Variants in CNTNAP2 observed in about 807,000 individuals in gnomAD.
The protein encoded by CNTNAP2 is contactin-associated protein-like 2.
CNTNAP2 carries 98 observed loss-of-function variants against 155.2 expected under a neutral mutation model. That is an observed-to-expected ratio of 0.63 (90% CI 0.54 to 0.75). The LOEUF is 0.75. CNTNAP2 is among the 30% of genes least tolerant of loss of function. CNTNAP2 has a pLI of 0.00. For missense variants in CNTNAP2, 1,727 were observed against 1,688.1 expected, an observed-to-expected ratio of 1.02 and a Z score of -0.40; for synonymous variants, 651 against 631.2, an observed-to-expected ratio of 1.03 and a Z score of -0.47.
At chr7:146,773,230 G>A (rs1012139708) in intron 1 of CNTNAP2, among the ~76,000 whole-genome samples, 1 of 152,172 alleles carries the variant, frequency 6.6e-6, no homozygotes, top group Non-Finnish European at 1.5e-5. Context: ...AAATCTTAAT[G>A]ACATTATAAA....
intron 1 of CNTNAP2, among the ~76,000 whole-genome samples, chr7:146,459,686 A>G (rs1796607859): frequency 6.6e-6 from 1 of 152,150 alleles, no homozygotes; most frequent in Admixed American, 6.6e-5. Flanking sequence ...AGGAGGGGCC[A>G]CTGGACAAGC....
intron 20 of CNTNAP2, among the ~76,000 whole-genome samples, chr7:148,233,428 C>T (rs781719655): frequency 6.6e-6 from 1 of 152,166 alleles, no homozygotes; most frequent in Non-Finnish European, 1.5e-5. Context: ...TATCAGGTCA[C>T]AAGGTCTTAC....
chr7:146,975,981 A>C (rs1435574602), intron 3 of CNTNAP2, among the ~76,000 whole-genome samples: 3 of 152,210 alleles, frequency 2.0e-5, no homozygotes, highest in African/African-American at 4.8e-5. Flanking sequence ...CTTAAAGTCT[A>C]ATGATGATGA....
chr7:146,119,943 G>A (rs1374415935), intron 1 of CNTNAP2, among the ~76,000 whole-genome samples: 1 of 151,538 alleles, frequency 6.6e-6, no homozygotes, highest in South Asian at 2.1e-4. Context: ...ATGTTATAAA[G>A]TACATAGATA....
chr7:147,349,647 T>C (rs912215399), intron 9 of CNTNAP2, among the ~76,000 whole-genome samples: 1 of 151,926 alleles, frequency 6.6e-6, no homozygotes, highest in African/African-American at 2.4e-5. Flanking sequence ...CGCATTTGAT[T>C]ATAAGAACTC....
chr7:146,551,460 A>G (rs954260381), intron 1 of CNTNAP2, among the ~76,000 whole-genome samples: 12 of 151,980 alleles, frequency 7.9e-5, no homozygotes, highest in African/African-American at 2.9e-4. Flanking sequence ...CCTACAAAGG[A>G]CATGAACTCA....
At chr7:147,420,327 CA>C (rs1165206187) in intron 10 of CNTNAP2, among the ~76,000 whole-genome samples, 2 of 151,922 alleles carry the variant, frequency 1.3e-5, no homozygotes, top group Non-Finnish European at 2.9e-5. Context: ...TTCTGAATAC[CA>C]AAAAAGTACA....
At chr7:147,526,824 A>T (rs543076161) in intron 11 of CNTNAP2, among the ~76,000 whole-genome samples, 3 of 152,088 alleles carry the variant, frequency 2.0e-5, no homozygotes, top group Non-Finnish European at 4.4e-5. Context: ...GAGAAAGAAG[A>T]AAGACGTTTC....
intron 11 of CNTNAP2, among the ~76,000 whole-genome samples, chr7:147,543,099 G>C (rs1799668116): frequency 6.6e-6 from 1 of 152,150 alleles, no homozygotes. Context: ...GCCCCGAACA[G>C]GGATTTACCC....
At chr7:147,403,536 C>A (rs112582289) in intron 10 of CNTNAP2, among the ~76,000 whole-genome samples, 5,146 of 152,248 alleles carry the variant, frequency 0.034, 318 homozygotes, top group African/African-American at 0.12. Context: ...CCTCCTGGGA[C>A]TGAATGCTGA....
At chr7:147,179,073 T>G (rs1055198279) in intron 8 of CNTNAP2, among the ~76,000 whole-genome samples, 4 of 152,146 alleles carry the variant, frequency 2.6e-5, no homozygotes, top group African/African-American at 9.7e-5. Context: ...TTTCTGAGAC[T>G]CCATATCCTT....
At chr7:147,564,693 A>ACACAAT (rs1800133651) in intron 12 of CNTNAP2, among the ~76,000 whole-genome samples, 5 of 152,204 alleles carry the variant, frequency 3.3e-5, no homozygotes, top group Non-Finnish European at 7.3e-5. Flanking sequence ...CTCTCAGGAG[A>ACACAAT]GCTTCTCCTG....
rs148763458 is a variant in CNTNAP2, at chr7:148,230,353, C to G, written c.3381+574C>G. 4.7e-3 allele frequency among the ~76,000 whole-genome samples: 717 copies of G among 152,286 alleles called. 6 individuals are homozygous for G. Among genetic ancestry groups the G allele is most frequent in the African/African-American group, 0.016 (681 of 41,556 alleles). On this transcript the variant is annotated intron_variant, in intron 20 of 23. Coordinates refer to ENST00000361727, the MANE Select transcript of CNTNAP2 (RefSeq NM_014141.6). ...TTCAGGTTCATTGACGACCCCGGCC[C>G]TCACCACTGATTTTTACAGTGAAGA...
At chr7:146,979,667 A>AC (rs1260963744) in intron 3 of CNTNAP2, among the ~76,000 whole-genome samples, 2 of 152,212 alleles carry the variant, frequency 1.3e-5, no homozygotes, top group African/African-American at 4.8e-5. Context: ...AGTCCAAAAA[A>AC]ATGTTTGTTG....
intron 21 of CNTNAP2, among the ~76,000 whole-genome samples, chr7:148,337,744 A>G (rs1375525043): frequency 6.6e-6 from 1 of 152,172 alleles, no homozygotes; most frequent in Non-Finnish European, 1.5e-5. Flanking sequence ...CATGCAGAGT[A>G]TATGCTGTAC....
intron 12 of CNTNAP2, among the ~76,000 whole-genome samples, chr7:147,603,530 C>T (rs1266721606): frequency 6.6e-6 from 1 of 152,114 alleles, no homozygotes; most frequent in African/African-American, 2.4e-5. Flanking sequence ...TGAAGGACCT[C>T]TTCAAGGAGA....
At chr7:147,164,615 G>C (rs535249495) in intron 8 of CNTNAP2, among the ~76,000 whole-genome samples, 1 of 152,104 alleles carries the variant, frequency 6.6e-6, no homozygotes, top group Non-Finnish European at 1.5e-5. Context: ...AATTGTAAGC[G>C]AAATTTAAGG....
intron 21 of CNTNAP2, among the ~76,000 whole-genome samples, chr7:148,315,147 G>C (rs1402566484): frequency 6.6e-6 from 1 of 152,182 alleles, no homozygotes; most frequent in Non-Finnish European, 1.5e-5. Context: ...CAAAGAGCAG[G>C]AGGACAGGGG....
intron 1 of CNTNAP2, among the ~76,000 whole-genome samples, chr7:146,144,023 A>G (rs1797920479): frequency 6.6e-6 from 1 of 152,180 alleles, no homozygotes; most frequent in Admixed American, 6.5e-5. Context: ...CGGCCTCCCG[A>G]TATGCTAGGA....
Sources: gnomAD v4.1 joint callset for allele counts (sites outside exome capture counted in the v4.1 genomes callset) on GRCh38, gnomAD v4.1.1 for gene constraint, MANE v1.5 for transcripts, NCBI Gene and HGNC (gene_info 2026-07-23, HGNC 2026-07-21) for gene names.